The following UBE2QL1 variants were observed in gnomAD, a reference collection of about 807,000 sequenced individuals.
The protein encoded by UBE2QL1 is ubiquitin-conjugating enzyme E2Q-like protein 1.
In UBE2QL1, 5 loss-of-function variants were observed where a neutral mutation model predicts 12.6. The observed-to-expected ratio is 0.40, with a 90% CI of 0.21 to 0.83. UBE2QL1 has a LOEUF of 0.83. Ranked by LOEUF, UBE2QL1 falls within the 40% of genes least tolerant of loss-of-function variation. UBE2QL1 has a pLI of 0.37. For missense variants in UBE2QL1, 99 were observed against 222.6 expected (o/e 0.44, Z 3.53); for synonymous variants, 96 against 94.5 (o/e 1.02, Z -0.10).
intron 1 of UBE2QL1, among the ~76,000 whole-genome samples, chr5:6,454,980 C>T (rs1739488596): frequency 6.6e-6 from 1 of 152,126 alleles, no homozygotes; most frequent in Non-Finnish European, 1.5e-5. Flanking sequence ...TAAAAATAGC[C>T]CCACACCCGC....
At chr5:6,472,507 C>T (rs982449523) in intron 1 of UBE2QL1, among the ~76,000 whole-genome samples, 3 of 152,188 alleles carry the variant, frequency 2.0e-5, no homozygotes, top group East Asian at 1.9e-4. Context: ...CTAACTGCTG[C>T]TTTCCTTGTG....
chr5:6,448,939 T>A lies in UBE2QL1; in HGVS notation c.46T>A (p.Ser16Thr), dbSNP rs1739357829. Residue 16 changes from serine (S) to threonine (T), a missense_variant, in exon 1 of 2, where the codon TCC becomes ACC. Physicochemically the swap from Ser to Thr is moderately conservative, Grantham distance 58. Coordinates refer to ENST00000399816, the MANE Select transcript of UBE2QL1 (RefSeq NM_001145161.3). ...DIARLSDRFI[S>T]VELVDESLFD... Reference sequence around the variant, plus strand: ...CGCGCGCCTTAGCGACCGCTTCATCTCCGTGGAGCTGGTGGACGAGAGCCT... The same window carrying A: ...CGCGCGCCTTAGCGACCGCTTCATCACCGTGGAGCTGGTGGACGAGAGCCT... 6 of 1,546,590 alleles carry A rather than the reference T, an allele frequency of 3.9e-6. No individual in the cohort carries two copies. The East Asian group carries it at 1.5e-4, about 38-fold the overall frequency.
At chr5:6,490,670 T>C (rs906051767) in intron 1 of UBE2QL1, among the ~76,000 whole-genome samples, 3 of 152,236 alleles carry the variant, frequency 2.0e-5, no homozygotes, top group Non-Finnish European at 2.9e-5. Flanking sequence ...GCTCTGGAAC[T>C]TGAATTTTAA....
At chr5:6,460,985 C>A (rs531076565) in intron 1 of UBE2QL1, among the ~76,000 whole-genome samples, 2 of 152,278 alleles carry the variant, frequency 1.3e-5, no homozygotes, top group African/African-American at 4.8e-5. Context: ...TCACAAGTCA[C>A]ACAGAATGAA....
intron 1 of UBE2QL1, among the ~76,000 whole-genome samples, chr5:6,452,018 T>C (rs1189242405): frequency 6.6e-6 from 1 of 152,286 alleles, no homozygotes; most frequent in Admixed American, 6.5e-5. Context: ...CGGGATTTCT[T>C]TTTTAGGATG....
In UBE2QL1 at chr5:6,475,967, T is replaced by C. The variant is rs570213835; in HGVS notation, c.355-15251T>C. ...GTGCTGGATTTAACCCCAAGACCTG[T>C]CGGAAAGAATGCTTTATGAAATACA... is the stretch of plus-strand genomic sequence containing the variant. On this transcript the variant is annotated intron_variant, in intron 1 of 1. Coordinates refer to ENST00000399816, the MANE Select transcript of UBE2QL1 (RefSeq NM_001145161.3). Among the ~76,000 whole-genome samples, 17 of 152,314 alleles carry C rather than the reference T, an allele frequency of 1.1e-4. No homozygotes were observed. In the East Asian group the frequency reaches 2.9e-3, roughly 26 times the overall value.
Position 6,449,194 on chromosome 5 carries a change from T to C in UBE2QL1, c.301T>C (p.Tyr101His). Residue 101 changes from tyrosine (Y) to histidine (H), a missense_variant, in exon 1 of 2, where the codon TAC becomes CAC. Physicochemically the swap from Tyr to His is moderately conservative, Grantham distance 83. Transcript: ENST00000399816. ...LLTPRGWSSA[Y>H]TVEAVMRQFA... ...CACGCCGCGCGGCTGGTCCAGCGCC[T>C]ACACCGTGGAGGCCGTCATGCGCCA... 6.7e-7 allele frequency: 1 copy of C among 1,499,110 alleles called. No homozygotes were observed. The highest frequency in any genetic ancestry group is 8.9e-7 in the Non-Finnish European group (1 of 1,119,278). The allele number at this position is 1,499,110 out of a possible 1,614,324, so 92.9% of individuals were successfully genotyped here.
chr5:6,463,598 GTTATTATTATTATTA>G (rs149126743), intron 1 of UBE2QL1, among the ~76,000 whole-genome samples: 22 of 137,300 alleles, frequency 1.6e-4, no homozygotes, highest in African/African-American at 4.3e-4. Context: ...TATTTGTGCT[GTTATTATTATTATTA>G]TTATTATTAT....
intron 1 of UBE2QL1, among the ~76,000 whole-genome samples, chr5:6,453,855 A>G (rs1464797509): frequency 5.3e-5 from 8 of 152,176 alleles, no homozygotes; most frequent in Non-Finnish European, 1.2e-4. Flanking sequence ...TTGGGCTCCT[A>G]AAATCTGTGG....
rs141409064 is a variant in UBE2QL1, at chr5:6,463,027, C to T, written c.354+13780C>T. ...CATCTCTAAATCATCCACTTCTTCG[C>T]TACTGACTCTTTTCCTTTCTTTTGA... On this transcript the variant is annotated intron_variant, in intron 1 of 1. Coordinates refer to ENST00000399816, the MANE Select transcript of UBE2QL1 (RefSeq NM_001145161.3). Among the ~76,000 whole-genome samples, 762 of 152,292 alleles carry T rather than the reference C, an allele frequency of 5.0e-3. 4 individuals are homozygous for T. Among genetic ancestry groups the T allele is most frequent in the African/African-American group, 0.018 (740 of 41,556 alleles).
chr5:6,490,419 C>G (rs554942768), intron 1 of UBE2QL1, among the ~76,000 whole-genome samples: 1 of 152,302 alleles, frequency 6.6e-6, no homozygotes, highest in Non-Finnish European at 1.5e-5. Flanking sequence ...TGGGTCAGTC[C>G]CTTTTGACCA....
chr5:6,468,249 C>T (rs974939097), intron 1 of UBE2QL1, among the ~76,000 whole-genome samples: 2 of 152,170 alleles, frequency 1.3e-5, no homozygotes, highest in African/African-American at 4.8e-5. Context: ...GCCCCCTGCC[C>T]TGTTCCCTCG....
chr5:6,461,496 A>G (rs1205620692), intron 1 of UBE2QL1, among the ~76,000 whole-genome samples: 1 of 147,372 alleles, frequency 6.8e-6, no homozygotes, highest in Non-Finnish European at 1.5e-5. Flanking sequence ...TGAGATGATT[A>G]TAGGCAGAAA....
At chr5:6,450,544 A>G (rs1444583184) in intron 1 of UBE2QL1, among the ~76,000 whole-genome samples, 2 of 152,220 alleles carry the variant, frequency 1.3e-5, no homozygotes, top group Admixed American at 6.5e-5. Context: ...AAAGACCCCA[A>G]ATGACCTCGG....
At chr5:6,459,929 C>CCGA (rs1739614472) in intron 1 of UBE2QL1, among the ~76,000 whole-genome samples, 1 of 151,994 alleles carries the variant, frequency 6.6e-6, no homozygotes, top group African/African-American at 2.4e-5. Flanking sequence ...TATATATACC[C>CCGA]GGAGGAGTGC....
intron 1 of UBE2QL1, among the ~76,000 whole-genome samples, chr5:6,452,396 A>G (rs572602871): frequency 4.6e-5 from 7 of 152,336 alleles, no homozygotes; most frequent in South Asian, 2.1e-4. Flanking sequence ...AATGATATAC[A>G]TATCTTCCCC....
chr5:6,463,090 G>A (rs1018429243), intron 1 of UBE2QL1, among the ~76,000 whole-genome samples: 3 of 152,016 alleles, frequency 2.0e-5, no homozygotes, highest in Non-Finnish European at 2.9e-5. Flanking sequence ...GCAAAGATTG[G>A]TACATTGCAC....
At chr5:6,452,394 A>T (rs1192279961) in intron 1 of UBE2QL1, among the ~76,000 whole-genome samples, 1 of 152,226 alleles carries the variant, frequency 6.6e-6, no homozygotes, top group Non-Finnish European at 1.5e-5. Flanking sequence ...ATAATGATAT[A>T]CATATCTTCC....
chr5:6,486,034 T>C (rs1360569290), intron 1 of UBE2QL1, among the ~76,000 whole-genome samples: 1 of 152,194 alleles, frequency 6.6e-6, no homozygotes, highest in Non-Finnish European at 1.5e-5. Context: ...GGAGAAGATC[T>C]TCCGTGATAG....
Sources: allele counts gnomAD v4.1 joint callset (sites outside exome capture counted in the v4.1 genomes callset), GRCh38; gene constraint gnomAD v4.1.1; transcripts MANE v1.5; gene names NCBI Gene and HGNC (gene_info 2026-07-23, HGNC 2026-07-21).